Variants in PAG1 observed in about 807,000 individuals in gnomAD.
The protein encoded by PAG1 is phosphoprotein associated with glycosphingolipid-enriched microdomains 1.
A neutral mutation model predicts 31.7 loss-of-function variants in PAG1; 23 were observed. That is an observed-to-expected ratio of 0.73 (90% CI 0.52 to 1.03). The LOEUF (loss-of-function observed/expected upper bound fraction) is 1.03, where lower values mean the gene tolerates loss of function less well. Ranked by LOEUF, PAG1 falls within the 50% of genes least tolerant of loss-of-function variation. PAG1 has a pLI of 0.00. For synonymous variants in PAG1, 214 were observed against 210.3 expected (o/e 1.02, Z -0.15); for missense variants, 473 against 540.7 (o/e 0.87, Z 1.24).
chr8:81,076,515 T>C (rs1809180653), intron 1 of PAG1, among the ~76,000 whole-genome samples: 1 of 152,212 alleles, frequency 6.6e-6, no homozygotes, highest in Non-Finnish European at 1.5e-5. Flanking sequence ...TCAGGGCTGA[T>C]AAAATATTTC....
chr8:81,002,907 A>T (rs1378468066), intron 3 of PAG1, among the ~76,000 whole-genome samples: 1 of 152,174 alleles, frequency 6.6e-6, no homozygotes, highest in Non-Finnish European at 1.5e-5. Context: ...TTAAAAATAT[A>T]TGTCCAGAGC....
At chr8:81,106,886 T>C (rs556785285) in intron 1 of PAG1, among the ~76,000 whole-genome samples, 1 of 152,298 alleles carries the variant, frequency 6.6e-6, no homozygotes, top group African/African-American at 2.4e-5. Context: ...TAGACATAAG[T>C]GTTCGTTTCC....
At chr8:80,997,144 G>T (rs1807691287) in intron 3 of PAG1, among the ~76,000 whole-genome samples, 1 of 152,180 alleles carries the variant, frequency 6.6e-6, no homozygotes, top group Non-Finnish European at 1.5e-5. Context: ...ATCTCTTCCA[G>T]CAGAAATATC....
At chr8:81,079,306 C>G (rs538950152) in intron 1 of PAG1, among the ~76,000 whole-genome samples, 2 of 152,224 alleles carry the variant, frequency 1.3e-5, no homozygotes, top group Admixed American at 6.6e-5. Context: ...AAGGCAGCCT[C>G]CAGTCATCTA....
chr8:81,083,720 G>A (rs2131026647), intron 1 of PAG1, among the ~76,000 whole-genome samples: 1 of 152,166 alleles, frequency 6.6e-6, no homozygotes. Flanking sequence ...TTTTCCACTT[G>A]CTGCCTTCTT....
chr8:81,035,668 G>C (rs752034392), intron 2 of PAG1, among the ~76,000 whole-genome samples: 2 of 152,140 alleles, frequency 1.3e-5, no homozygotes, highest in Admixed American at 6.5e-5. Context: ...AGGAAGGCAG[G>C]AGGAGATGTA....
At chr8:80,988,428 T>C (rs1807470891) in intron 5 of PAG1, among the ~76,000 whole-genome samples, 1 of 152,204 alleles carries the variant, frequency 6.6e-6, no homozygotes, top group African/African-American at 2.4e-5. Flanking sequence ...AACAATAATA[T>C]GCTGAAAATT....
chr8:81,092,189 CAAAAAAAAAAAAA>C (rs58417714), intron 1 of PAG1, among the ~76,000 whole-genome samples: 2 of 71,402 alleles, frequency 2.8e-5, no homozygotes, highest in Non-Finnish European at 5.1e-5. Context: ...CACATCTCTG[CAAAAAAAAAAAAA>C]AAAAAAAAAA....
At chr8:80,986,179 G>A (rs1807415884) in intron 6 of PAG1, among the ~76,000 whole-genome samples, 1 of 152,162 alleles carries the variant, frequency 6.6e-6, no homozygotes, top group African/African-American at 2.4e-5. Flanking sequence ...GGGGGAATTA[G>A]AAATAGTGTT....
chr8:80,977,190 T>TG (rs1807204100), intron 8 of PAG1, among the ~76,000 whole-genome samples: 1 of 152,218 alleles, frequency 6.6e-6, no homozygotes, highest in Non-Finnish European at 1.5e-5. Flanking sequence ...GGGAAGCTCC[T>TG]GAAGGCCCCG....
intron 1 of PAG1, among the ~76,000 whole-genome samples, chr8:81,092,795 TCC>T (rs1809469229): frequency 6.6e-6 from 1 of 152,244 alleles, no homozygotes; most frequent in South Asian, 2.1e-4. Flanking sequence ...TCACTTTTAA[TCC>T]CTAACTGATC....
intron 2 of PAG1, among the ~76,000 whole-genome samples, chr8:81,034,794 T>G (rs1319169020): frequency 6.6e-6 from 1 of 152,212 alleles, no homozygotes; most frequent in Non-Finnish European, 1.5e-5. Flanking sequence ...CTTCCCCTGC[T>G]CTTGAGCTTT....
rs541569330 is a variant in PAG1 at position 81,068,776 on chromosome 8, T to C, written c.-175+1336A>G. On this transcript the variant is annotated intron_variant, in intron 2 of 8. Transcript: ENST00000220597. The stretch of plus-strand genomic sequence containing the variant: ...GGAGTAAAACTCAAGAAGTCAGCCA[T>C]GTACAAAAAAGTACCACACAACGCT... Among the ~76,000 whole-genome samples, 9 of 152,344 alleles carry C rather than the reference T, an allele frequency of 5.9e-5. No individual in the cohort carries two copies. The South Asian group carries it at 1.2e-3, about 21-fold the overall frequency.
chr8:81,076,038 A>G (rs1159748954), intron 1 of PAG1, among the ~76,000 whole-genome samples: 4 of 152,254 alleles, frequency 2.6e-5, no homozygotes, highest in Non-Finnish European at 1.5e-5. Context: ...TGATACAGTT[A>G]TAACAAACTG....
At chr8:80,998,902 G>A (rs893347850) in intron 3 of PAG1, among the ~76,000 whole-genome samples, 1 of 152,116 alleles carries the variant, frequency 6.6e-6, no homozygotes, top group Non-Finnish European at 1.5e-5. Flanking sequence ...TATGGTCAAG[G>A]GCCCAATCCC....
At chr8:81,076,979 G>A (rs978542902) in intron 1 of PAG1, among the ~76,000 whole-genome samples, 10 of 152,198 alleles carry the variant, frequency 6.6e-5, no homozygotes, top group African/African-American at 2.4e-4. Context: ...TAATACCATG[G>A]TAGGCATGTT....
chr8:81,100,779 T>G (rs1282251948), intron 1 of PAG1, among the ~76,000 whole-genome samples: 1 of 152,232 alleles, frequency 6.6e-6, no homozygotes, highest in African/African-American at 2.4e-5. Flanking sequence ...AAAGGAGAGA[T>G]ATTCTTTTCA....
intron 1 of PAG1, among the ~76,000 whole-genome samples, chr8:81,095,758 G>T (rs574161819): frequency 1.3e-5 from 2 of 152,290 alleles, no homozygotes; most frequent in African/African-American, 4.8e-5. Context: ...TATGCTGCAT[G>T]CCCCCTTAAT....
In PAG1 at chr8:80,990,762, A is replaced by C. The variant is rs1417018920; in HGVS notation, c.177+717T>G. ...TATACCTAGGGTGTTGTGGGTCCCA[A>C]GCTCCCTCCAGCTTAATGACCTGTT... is the stretch of plus-strand genomic sequence containing the variant. On this transcript the variant is annotated intron_variant, in intron 5 of 8. Transcript: ENST00000220597. This position sits in a 1 kb window ranked among gnomAD's most constrained non-coding sequence, Gnocchi z 5.1. Among the ~76,000 whole-genome samples, 2 of 152,090 alleles carry C rather than the reference A, an allele frequency of 1.3e-5. No homozygotes were observed. Among genetic ancestry groups the C allele is most frequent in the Non-Finnish European group, 2.9e-5 (2 of 68,018 alleles).
Sources: allele counts gnomAD v4.1 joint callset (sites outside exome capture counted in the v4.1 genomes callset), GRCh38; gene constraint gnomAD v4.1.1; non-coding constraint Gnocchi (gnomAD v3.1); transcripts MANE v1.5; gene names NCBI Gene and HGNC (gene_info 2026-07-23, HGNC 2026-07-21).